The following SPIDR variants were observed in gnomAD, a reference collection of about 807,000 sequenced individuals.
SPIDR encodes the protein scaffold protein involved in DNA repair, also known as DNA repair-scaffolding protein.
A neutral mutation model predicts 104.6 loss-of-function variants in SPIDR; 93 were observed. The observed-to-expected ratio is 0.89, with a 90% CI of 0.75 to 1.06. The LOEUF is 1.06. SPIDR is among the 50% of genes least tolerant of loss of function. SPIDR has a pLI of 0.00. For missense variants in SPIDR, 1,154 were observed against 1,111.2 expected (o/e 1.04, Z -0.55); for synonymous variants, 431 against 416.9 (o/e 1.03, Z -0.41).
intron 8 of SPIDR, among the ~76,000 whole-genome samples, chr8:47,563,022 A>G (rs1472782409): frequency 6.7e-6 from 1 of 149,752 alleles, no homozygotes; most frequent in Non-Finnish European, 1.5e-5. Context: ...TAGAAACAGT[A>G]CTTTACTCTT....
chr8:47,607,414 T>C (rs942973309), intron 10 of SPIDR, among the ~76,000 whole-genome samples: 1 of 152,082 alleles, frequency 6.6e-6, no homozygotes, highest in Non-Finnish European at 1.5e-5. Context: ...GCAGTCCTTA[T>C]GATATCCAAG....
chr8:47,384,052 T>C (rs1347934054), intron 5 of SPIDR, among the ~76,000 whole-genome samples: 2 of 152,210 alleles, frequency 1.3e-5, no homozygotes, highest in African/African-American at 4.8e-5. Context: ...CACAAAACTC[T>C]AAAACTGGAA....
chr8:47,549,315 T>G (rs191593275), intron 8 of SPIDR, among the ~76,000 whole-genome samples: 2 of 152,340 alleles, frequency 1.3e-5, no homozygotes, highest in Non-Finnish European at 2.9e-5. Flanking sequence ...AAATGGTATT[T>G]CTAGTTCTAG....
chr8:47,307,260 G>A (rs371070392), intron 5 of SPIDR, among the ~76,000 whole-genome samples: 9 of 146,598 alleles, frequency 6.1e-5, no homozygotes, highest in African/African-American at 7.6e-5. Context: ...AGTCTCTATC[G>A]CCCAGGCTGG....
rs1399334910 is a variant in SPIDR at position 47,729,038 on chromosome 8, GAAGGTC to G, written c.2547_2550+2del. 3 of 1,613,910 alleles carry G rather than the reference GAAGGTC, an allele frequency of 1.9e-6. No individual in the cohort carries two copies. The highest frequency in any genetic ancestry group is 2.5e-6 in the Non-Finnish European group (3 of 1,180,010). ...GCCGCTCAAGACCGCAGTGCAGAGT[GAAGGTC>G]AAGGTAGGAGCCAGGCCAGAGCACG... On this transcript the variant is annotated inframe_deletion, in exon 18 of 20. Transcript: ENST00000297423.
intron 14 of SPIDR, 68 bp from the exon 15 acceptor site, chr8:47,712,594 T>C (rs2154488432): frequency 1.4e-6 from 2 of 1,476,042 alleles, no homozygotes; most frequent in South Asian, 1.2e-5. Context: ...GTATAACTTC[T>C]GCTTTTAAAT....
intron 8 of SPIDR, among the ~76,000 whole-genome samples, chr8:47,563,037 CT>C (rs75347314): frequency 0.012 from 1,577 of 134,834 alleles, 16 homozygotes; most frequent in African/African-American, 0.035. Flanking sequence ...ACTCTTTTCT[CT>C]TTTTTTTTTT....
Position 47,499,211 on chromosome 8 carries a change from T to C in SPIDR, c.1097+58669T>C, listed in dbSNP as rs145314738. On this transcript the variant is annotated intron_variant, in intron 8 of 19. Coordinates refer to ENST00000297423, the MANE Select transcript of SPIDR (RefSeq NM_001080394.4). ...ATATGAAGAGTACGTAACACATTGC[T>C]TGATGCATGGTTCTTGGCTGTACTG... Among the ~76,000 whole-genome samples the C allele has an allele frequency of 1.7e-3, 257 of 152,334 alleles. 1 individual carries two copies. The highest frequency in any genetic ancestry group is 5.9e-3 in the African/African-American group (247 of 41,568).
At chr8:47,410,914 GT>G (rs1554670884) in intron 7 of SPIDR, among the ~76,000 whole-genome samples, 2 of 152,070 alleles carry the variant, frequency 1.3e-5, no homozygotes, top group Non-Finnish European at 2.9e-5. Flanking sequence ...GTGGTGTTCG[GT>G]TTTTTGTCCT....
chr8:47,625,061 T>G (rs1214781302), intron 10 of SPIDR, among the ~76,000 whole-genome samples: 5 of 152,190 alleles, frequency 3.3e-5, no homozygotes, highest in Non-Finnish European at 7.3e-5. Context: ...GCTTCATCCC[T>G]GGGATGCAAG....
chr8:47,321,584 G>GA (rs1187061303), intron 5 of SPIDR, among the ~76,000 whole-genome samples: 1 of 152,086 alleles, frequency 6.6e-6, no homozygotes, highest in Non-Finnish European at 1.5e-5. Flanking sequence ...CACAGAATTG[G>GA]AAAAAACTAC....
chr8:47,705,159 T>C (rs1339472574), intron 14 of SPIDR, among the ~76,000 whole-genome samples: 1 of 152,188 alleles, frequency 6.6e-6, no homozygotes, highest in African/African-American at 2.4e-5. Flanking sequence ...CCAAAGCCAG[T>C]TGGAGGGGAG....
chr8:47,433,188 A>G (rs1295536013), intron 7 of SPIDR, among the ~76,000 whole-genome samples: 1 of 152,068 alleles, frequency 6.6e-6, no homozygotes, highest in African/African-American at 2.4e-5. Flanking sequence ...TCTACCTTCA[A>G]AGAATATCTA....
At chr8:47,698,172 T>C (rs1027686355) in intron 11 of SPIDR, among the ~76,000 whole-genome samples, 4 of 152,268 alleles carry the variant, frequency 2.6e-5, no homozygotes, top group African/African-American at 9.6e-5. Context: ...TAAAAATGTT[T>C]ATTAATCTTT....
At chr8:47,445,364 G>A (rs1430519694) in intron 8 of SPIDR, among the ~76,000 whole-genome samples, 3 of 152,082 alleles carry the variant, frequency 2.0e-5, no homozygotes, top group Non-Finnish European at 4.4e-5. Flanking sequence ...GCCATGAACC[G>A]TGGCCATATA....
chr8:47,405,686 C>T, intron 6 of SPIDR, among the ~76,000 whole-genome samples: 1 of 152,096 alleles, frequency 6.6e-6, no homozygotes, highest in South Asian at 2.1e-4. Context: ...TATTTTTATT[C>T]CATCGGAGTT....
chr8:47,716,949 C>G (rs181811054), intron 16 of SPIDR, among the ~76,000 whole-genome samples: 2 of 152,274 alleles, frequency 1.3e-5, no homozygotes, highest in East Asian at 3.9e-4. Flanking sequence ...AATTCTGCAG[C>G]CCCAGAGACT....
intron 8 of SPIDR, among the ~76,000 whole-genome samples, chr8:47,510,639 TAAC>T (rs1021943840): frequency 3.3e-5 from 5 of 152,326 alleles, no homozygotes; most frequent in Admixed American, 1.3e-4. Flanking sequence ...CACAAACAGT[TAAC>T]AAATATACTT....
At chr8:47,297,725 G>C (rs1052902960) in intron 5 of SPIDR, among the ~76,000 whole-genome samples, 17 of 151,934 alleles carry the variant, frequency 1.1e-4, no homozygotes, top group Non-Finnish European at 1.9e-4. Flanking sequence ...TTTTGTCCTT[G>C]TGATAGTTTG....
Sources: gnomAD v4.1 joint callset for allele counts (sites outside exome capture counted in the v4.1 genomes callset) on GRCh38, gnomAD v4.1.1 for gene constraint, MANE v1.5 for transcripts, NCBI Gene and HGNC (gene_info 2026-07-23, HGNC 2026-07-21) for gene names.